DYNLT2: variants seen among roughly 807,000 people sequenced by gnomAD.
DYNLT2 encodes dynein light chain Tctex-type protein 2.
DYNLT2 carries 24 observed loss-of-function variants against 24.3 expected under a neutral mutation model. The observed-to-expected ratio is 0.99, with a 90% CI of 0.71 to 1.39. The LOEUF is 1.39. Among genes scored for constraint, DYNLT2 ranks in the 40% most tolerant of loss-of-function variants. The pLI is 0.00. For synonymous variants in DYNLT2, 85 were observed against 85.4 expected, an observed-to-expected ratio of 1.00 and a Z score of 0.03; for missense variants, 246 against 234.5, an observed-to-expected ratio of 1.05 and a Z score of -0.32.
intron 1 of DYNLT2, among the ~76,000 whole-genome samples, chr6:169,747,521 T>A (rs1025065273): frequency 1.3e-5 from 2 of 152,158 alleles, no homozygotes; most frequent in African/African-American, 4.8e-5. Context: ...TCCACATCTC[T>A]AAATGTCCTT....
Position 169,740,281 on chromosome 6 carries a change from C to T in DYNLT2, c.501G>A (p.Trp167Ter), listed in dbSNP as rs1264407026. 3.1e-6 allele frequency: 5 copies of T among 1,613,012 alleles called. No individual in the cohort carries two copies. In the South Asian group the frequency reaches 4.4e-5, roughly 14 times the overall value. Residue 167 changes from tryptophan to a stop codon, truncating the protein, a stop_gained, in exon 4 of 4, where the codon TGG (tryptophan) becomes TGA (stop). Transcript: ENST00000366774. LOFTEE classifies it high-confidence loss of function. The part of the protein sequence containing the change: ...TGQAINIASR[W>*]IWDIAWDSWV... Reference sequence around the variant, plus strand: ...AGCTGTCCCATGCAATGTCCCAGATCCATCTGCTGGCAATCTGTGAGAGAA... The same window carrying T: ...AGCTGTCCCATGCAATGTCCCAGATTCATCTGCTGGCAATCTGTGAGAGAA...
intron 1 of DYNLT2, chr6:169,750,352 T>C (rs1789950228): frequency 6.6e-6 from 1 of 152,246 alleles, no homozygotes; most frequent in Admixed American, 6.5e-5. Flanking sequence ...CTAGCCCTGC[T>C]CTGCTCTTTT....
intron 1 of DYNLT2, among the ~76,000 whole-genome samples, chr6:169,748,024 C>T (rs934700264): frequency 5.3e-5 from 8 of 152,180 alleles, no homozygotes; most frequent in African/African-American, 1.9e-4. Context: ...AGGCAATACA[C>T]GTCTTAGCAC....
chr6:169,750,727 G>T (rs1563000416), intron 1 of DYNLT2: 1 of 152,106 alleles, frequency 6.6e-6, no homozygotes, highest in African/African-American at 2.4e-5. Context: ...TACATTAACG[G>T]TTTTCAAAGC....
chr6:169,725,158 G>C, the DYNLT2 span: 1 of 398,680 alleles, frequency 2.5e-6, no homozygotes, highest in Non-Finnish European at 4.4e-6. Flanking sequence ...ACTAAAAACA[G>C]CGGAAAGTGA....
chr6:169,745,088 G>GT lies in DYNLT2; in HGVS notation c.121-815dup, dbSNP rs572199646. On this transcript the variant is annotated intron_variant, in intron 1 of 3. Coordinates refer to ENST00000366774, the MANE Select transcript of DYNLT2 (RefSeq NM_174910.3). Reference sequence around the variant, plus strand: ...CATCGAGTATGATGTTTGCTGTGAAGTTTTTTTTGTTTGTTTTTTTTTTTG... The same window carrying GT: ...CATCGAGTATGATGTTTGCTGTGAAGTTTTTTTTTGTTTGTTTTTTTTTTTG... Among the ~76,000 whole-genome samples the GT allele has an allele frequency of 5.2e-3, 786 of 151,390 alleles. 9 individuals carry two copies. Among genetic ancestry groups the GT allele is most frequent in the African/African-American group, 0.018 (724 of 41,354 alleles).
chr6:169,742,950 G>C, intron 3 of DYNLT2, 130 bp downstream of exon 3: 1 of 731,594 alleles, frequency 1.4e-6, no homozygotes, highest in Non-Finnish European at 2.0e-6. Context: ...TTAACAACAT[G>C]ATACTTTCCT....
chr6:169,737,944 C>T (rs919075789), downstream of DYNLT2, among the ~76,000 whole-genome samples: 1 of 152,200 alleles, frequency 6.6e-6, no homozygotes, highest in Admixed American at 6.5e-5. Context: ...GAGACTGCAG[C>T]CACCCCTCCC....
chr6:169,744,746 G>C lies in DYNLT2; in HGVS notation c.121-472C>G, dbSNP rs78922157. On this transcript the variant is annotated intron_variant, in intron 1 of 3. Transcript: ENST00000366774. ...ATACAATTATTTAGATAGCACATTCGTAAGTCTTAAGGTGAAAAGACACCA... is the reference window on the plus strand; with the variant it reads ...ATACAATTATTTAGATAGCACATTCCTAAGTCTTAAGGTGAAAAGACACCA... 3.5e-3 allele frequency among the ~76,000 whole-genome samples: 527 copies of C among 150,304 alleles called. 2 individuals carry two copies. Among genetic ancestry groups the C allele is most frequent in the Non-Finnish European group, 5.5e-3 (370 of 67,884 alleles).
At chr6:169,733,319 G>A in the DYNLT2 span, among the ~76,000 whole-genome samples, 1 of 152,126 alleles carries the variant, frequency 6.6e-6, no homozygotes, top group Non-Finnish European at 1.5e-5. Flanking sequence ...TTTGGCTTTT[G>A]TTGCAATTGC....
chr6:169,728,115 T>C, the DYNLT2 span, among the ~76,000 whole-genome samples: 1 of 152,196 alleles, frequency 6.6e-6, no homozygotes, highest in African/African-American at 2.4e-5. Flanking sequence ...GGATTCAGGC[T>C]TGGACAAAGT....
the DYNLT2 span, among the ~76,000 whole-genome samples, chr6:169,733,505 G>A: frequency 1.3e-5 from 2 of 152,094 alleles, no homozygotes; most frequent in Admixed American, 1.3e-4. Flanking sequence ...TCTGCATATG[G>A]CTAGCCAGTT....
In DYNLT2 at chr6:169,751,552, G is replaced by T. The variant is rs1585327561; in HGVS notation, c.-94C>A. On this transcript the variant is annotated 5_prime_UTR_variant, in exon 1 of 4. Transcript: ENST00000366774. ...CCGCGAGGGCGGAAGTCTCCCACCT[G>T]CGCCTCGTACGGTAGGAAGTGCCCG... The T allele has an allele frequency of 3.7e-6, 6 of 1,610,604 alleles. No homozygotes were observed. In the East Asian group the frequency reaches 1.3e-4, roughly 36 times the overall value.
intron 2 of DYNLT2, 47 bp from the exon 3 acceptor site, chr6:169,743,285 T>A: frequency 8.3e-7 from 1 of 1,205,130 alleles, no homozygotes; most frequent in Non-Finnish European, 1.1e-6. Flanking sequence ...AACCAAATAT[T>A]TTCTATATAA....
downstream of DYNLT2, among the ~76,000 whole-genome samples, chr6:169,735,909 G>T (rs1427075638): frequency 6.6e-6 from 1 of 152,164 alleles, no homozygotes; most frequent in Non-Finnish European, 1.5e-5. Context: ...CTATCACTGT[G>T]TGGGAGTCTA....
At chr6:169,736,292 A>G (rs1282611429), downstream of DYNLT2, among the ~76,000 whole-genome samples, 2 of 152,028 alleles carry the variant, frequency 1.3e-5, no homozygotes, top group Non-Finnish European at 2.9e-5. Flanking sequence ...GTGTCTTTTA[A>G]TTGGTGGCAT....
rs1413004888 is a variant in DYNLT2, at chr6:169,743,119, T to A, written c.447A>T (p.Ile149=). 2 of 1,577,928 alleles carry A rather than the reference T, an allele frequency of 1.3e-6. No homozygotes were observed. The highest frequency in any genetic ancestry group is 4.5e-5 in the East Asian group (2 of 44,334). ...EFGYHRYKFI[I]KVLFIQKTGQ... The stretch of plus-strand genomic sequence containing the variant: ...CAGTCTTTTGAATAAATAATACTTT[T>A]ATAATGAACTTATAACGGTGGTACC... The change falls in exon 3 of 4, where the codon ATA becomes ATT. Residue 149 remains isoleucine, a synonymous_variant. Coordinates refer to ENST00000366774, the MANE Select transcript of DYNLT2 (RefSeq NM_174910.3).
intron 1 of DYNLT2, among the ~76,000 whole-genome samples, chr6:169,744,992 G>A (rs1789762926): frequency 6.6e-6 from 1 of 152,154 alleles, no homozygotes; most frequent in South Asian, 2.1e-4. Context: ...GCTCTATGTT[G>A]AAAAGAAGTG....
At chr6:169,750,111 C>T (rs1316850236) in intron 1 of DYNLT2, 1 of 152,214 alleles carries the variant, frequency 6.6e-6, no homozygotes, top group Non-Finnish European at 1.5e-5. Flanking sequence ...CAGATTTTAA[C>T]CTATATACCA....
Sources: allele counts gnomAD v4.1 joint callset (sites outside exome capture counted in the v4.1 genomes callset), GRCh38; gene constraint gnomAD v4.1.1; transcripts MANE v1.5; gene names NCBI Gene and HGNC (gene_info 2026-07-23, HGNC 2026-07-21).